ZNF804B: variants seen among roughly 807,000 people sequenced by gnomAD.
ZNF804B encodes the protein zinc finger 804B.
A neutral mutation model predicts 101.4 loss-of-function variants in ZNF804B; 80 were observed. That is an observed-to-expected ratio of 0.79 (90% CI 0.66 to 0.95). The LOEUF (loss-of-function observed/expected upper bound fraction) is 0.95. Ranked by LOEUF, ZNF804B falls within the 40% of genes least tolerant of loss-of-function variation. The probability of loss-of-function intolerance (pLI) is 0.00; values close to 1 mark genes in which losing one functional copy is unlikely to be tolerated. For missense variants in ZNF804B, 1,673 were observed against 1,561.9 expected, an observed-to-expected ratio of 1.07 and a Z score of -1.20; for synonymous variants, 622 against 558.8, an observed-to-expected ratio of 1.11 and a Z score of -1.59.
At chr7:88,815,036 A>G (rs947363557) in intron 1 of ZNF804B, among the ~76,000 whole-genome samples, 3 of 148,742 alleles carry the variant, frequency 2.0e-5, no homozygotes, top group South Asian at 4.2e-4. Context: ...ATATACATAT[A>G]TGTGTGTGTG....
chr7:89,069,314 A>T (rs1789500161), intron 1 of ZNF804B, among the ~76,000 whole-genome samples: 1 of 152,208 alleles, frequency 6.6e-6, no homozygotes, highest in African/African-American at 2.4e-5. Context: ...CCACAGAAGG[A>T]AAACTCATGT....
intron 1 of ZNF804B, among the ~76,000 whole-genome samples, chr7:88,927,261 T>C (rs944498241): frequency 2.0e-5 from 3 of 152,124 alleles, no homozygotes; most frequent in African/African-American, 7.2e-5. Context: ...ATTAGACATA[T>C]AAATGAAGAT....
chr7:89,162,061 A>C (rs1349019787), intron 1 of ZNF804B, among the ~76,000 whole-genome samples: 7 of 151,988 alleles, frequency 4.6e-5, no homozygotes, highest in African/African-American at 1.7e-4. Context: ...AATATTCTTC[A>C]CTCTCTAGTT....
intron 1 of ZNF804B, among the ~76,000 whole-genome samples, chr7:88,877,883 G>A (rs910983374): frequency 2.0e-5 from 3 of 151,948 alleles, no homozygotes; most frequent in East Asian, 3.9e-4. Flanking sequence ...TATGTTACTC[G>A]TTTCAATACA....
chr7:88,974,911 A>G (rs1451732882), intron 1 of ZNF804B, among the ~76,000 whole-genome samples: 1 of 151,286 alleles, frequency 6.6e-6, no homozygotes, highest in Non-Finnish European at 1.5e-5. Flanking sequence ...TTCTGTACCC[A>G]TTAACCATTT....
Position 89,336,945 on chromosome 7 carries a change from A to G in ZNF804B, c.3963A>G (p.Gln1321=), listed in dbSNP as rs377517266. Residue 1321 remains glutamine (Q), a synonymous_variant, in exon 4 of 4, where the codon CAA becomes CAG. Transcript: ENST00000333190. Reference sequence around the variant, plus strand: ...TAATCCAACCAGTATTCCAAGGTCAAGATTTTTGCCATCATTCTTGCTCTA... The same window carrying G: ...TAATCCAACCAGTATTCCAAGGTCAGGATTTTTGCCATCATTCTTGCTCTA... ...NPLIQPVFQG[Q]DFCHHSCSSQ... 1.9e-5 allele frequency: 30 copies of G among 1,613,980 alleles called. No homozygotes were observed. The highest frequency in any genetic ancestry group is 2.5e-5 in the Non-Finnish European group (29 of 1,179,996).
chr7:89,202,807 T>G (rs1788663676), intron 1 of ZNF804B, among the ~76,000 whole-genome samples: 1 of 152,120 alleles, frequency 6.6e-6, no homozygotes, highest in African/African-American at 2.4e-5. Context: ...GAACTTTTCC[T>G]GGATTAATTT....
intron 1 of ZNF804B, among the ~76,000 whole-genome samples, chr7:89,192,056 T>A (rs949671416): frequency 6.6e-6 from 1 of 152,142 alleles, no homozygotes; most frequent in African/African-American, 2.4e-5. Context: ...AATGGGAGCT[T>A]AAGGATTCTT....
intron 1 of ZNF804B, among the ~76,000 whole-genome samples, chr7:88,765,104 A>G (rs1276875297): frequency 1.3e-5 from 2 of 152,130 alleles, no homozygotes; most frequent in Admixed American, 6.5e-5. Context: ...GACTTCAGAA[A>G]GTTTCCATAT....
chr7:88,783,583 T>G (rs1220480911), intron 1 of ZNF804B, among the ~76,000 whole-genome samples: 1 of 152,118 alleles, frequency 6.6e-6, no homozygotes, highest in Non-Finnish European at 1.5e-5. Flanking sequence ...GAGTGATGGG[T>G]AAATAGGTTT....
intron 2 of ZNF804B, among the ~76,000 whole-genome samples, chr7:89,242,977 T>C (rs1789392552): frequency 6.6e-6 from 1 of 151,830 alleles, no homozygotes; most frequent in Non-Finnish European, 1.5e-5. Flanking sequence ...TATCACAATG[T>C]TACATAGGAG....
intron 1 of ZNF804B, among the ~76,000 whole-genome samples, chr7:89,191,018 T>G (rs1257437809): frequency 6.6e-6 from 1 of 152,168 alleles, no homozygotes; most frequent in Non-Finnish European, 1.5e-5. Context: ...TGCTTTATTT[T>G]CAGTGATCTG....
chr7:89,002,352 A>G (rs1788303127), intron 1 of ZNF804B, among the ~76,000 whole-genome samples: 3 of 151,860 alleles, frequency 2.0e-5, no homozygotes, highest in Non-Finnish European at 4.4e-5. Flanking sequence ...AAATTCACAT[A>G]CAAAACCTAA....
At chr7:88,835,450 G>C (rs191820549) in intron 1 of ZNF804B, among the ~76,000 whole-genome samples, 1 of 151,986 alleles carries the variant, frequency 6.6e-6, no homozygotes. Flanking sequence ...AAAGCAAAAA[G>C]TGTTTTTAAA....
intron 1 of ZNF804B, among the ~76,000 whole-genome samples, chr7:89,072,434 T>A (rs1449634113): frequency 6.6e-6 from 1 of 152,178 alleles, no homozygotes; most frequent in Non-Finnish European, 1.5e-5. Context: ...ATGAGCTCTG[T>A]ACTACATTTC....
At chr7:89,227,100 C>T (rs1584068835) in intron 2 of ZNF804B, among the ~76,000 whole-genome samples, 2 of 152,174 alleles carry the variant, frequency 1.3e-5, no homozygotes, top group South Asian at 2.1e-4. Context: ...TCCTGGATTA[C>T]ACTTCTTGTT....
At chr7:88,875,277 A>G (rs1048462195) in intron 1 of ZNF804B, among the ~76,000 whole-genome samples, 1 of 151,326 alleles carries the variant, frequency 6.6e-6, no homozygotes, top group Non-Finnish European at 1.5e-5. Flanking sequence ...AACACATTCA[A>G]AAGCTAGCTG....
At chr7:89,220,498 CA>C (rs1788987701) in intron 2 of ZNF804B, among the ~76,000 whole-genome samples, 1 of 151,774 alleles carries the variant, frequency 6.6e-6, no homozygotes, top group African/African-American at 2.4e-5. Flanking sequence ...GGCTATCACC[CA>C]ACTTCAATGA....
chr7:89,200,233 C>T (rs1788612578), intron 1 of ZNF804B, among the ~76,000 whole-genome samples: 1 of 151,906 alleles, frequency 6.6e-6, no homozygotes, highest in Non-Finnish European at 1.5e-5. Flanking sequence ...TTAGATGTAA[C>T]ATGCTTCCTT....
Sources: allele counts gnomAD v4.1 joint callset (sites outside exome capture counted in the v4.1 genomes callset), GRCh38; gene constraint gnomAD v4.1.1; transcripts MANE v1.5; gene names NCBI Gene and HGNC (gene_info 2026-07-23, HGNC 2026-07-21).